Variants in CELF5 observed in about 807,000 individuals in gnomAD.
The protein encoded by CELF5 is CUGBP Elav-like family member 5, also known as CUG-BP and ETR-3 like factor 5.
A neutral mutation model predicts 54.9 loss-of-function variants in CELF5; 6 were observed. The ratio of observed to expected loss-of-function variants is 0.11; its 90% CI spans 0.06 to 0.22. The LOEUF is 0.22. CELF5 is among the 10% of genes least tolerant of loss of function. CELF5 has a pLI of 1.00. For synonymous variants in CELF5, 271 were observed against 290.9 expected (o/e 0.93, Z 0.70); for missense variants, 401 against 678.6 (o/e 0.59, Z 4.54).
Position 3,281,941 on chromosome 19 carries a change from C to T in CELF5, c.751-185C>T, listed in dbSNP as rs2080158686. Among the ~76,000 whole-genome samples the T allele has an allele frequency of 2.0e-5, 3 of 151,870 alleles. No homozygotes were observed. The highest frequency in any genetic ancestry group is 7.3e-5 in the African/African-American group (3 of 41,308). ...AGCCCTGATCTCAGCCTGAGCCTCA[C>T]TTCCGAACCGATCTCTGCTCCCAGG... On this transcript the variant is annotated intron_variant, in intron 6 of 12. Coordinates refer to ENST00000292672, the MANE Select transcript of CELF5 (RefSeq NM_021938.4). The surrounding 1 kb of genome is among the most constrained non-coding windows in gnomAD (Gnocchi z 6.5).
intron 8 of CELF5, among the ~76,000 whole-genome samples, chr19:3,284,235 CT>C (rs2145277315): frequency 6.6e-6 from 1 of 152,154 alleles, no homozygotes; most frequent in Non-Finnish European, 1.5e-5. Context: ...CAGATGCAGA[CT>C]TGTGGATCTC....
intron 11 of CELF5, 85 bp downstream of exon 11, chr19:3,290,459 G>GAAT: frequency 6.8e-7 from 1 of 1,464,512 alleles, no homozygotes; most frequent in Non-Finnish European, 9.5e-7. Flanking sequence ...GGTCGGCCTC[G>GAAT]GGACAGGGCT....
chr19:3,245,247 T>C (rs1267357595), intron 1 of CELF5, among the ~76,000 whole-genome samples: 1 of 149,442 alleles, frequency 6.7e-6, no homozygotes, highest in East Asian at 2.0e-4. Context: ...CATCTGTGCG[T>C]GTGTATGTGG....
chr19:3,271,579 A>G (rs1023720821), intron 2 of CELF5, among the ~76,000 whole-genome samples: 10 of 152,202 alleles, frequency 6.6e-5, no homozygotes, highest in African/African-American at 2.4e-4. Flanking sequence ...CAAATTGAGG[A>G]AAGCATATGT....
chr19:3,231,682 G>A (rs1365249618), intron 1 of CELF5, among the ~76,000 whole-genome samples: 1 of 148,572 alleles, frequency 6.7e-6, no homozygotes, highest in Non-Finnish European at 1.5e-5. Context: ...ATGAGCAGGT[G>A]GGTGGATGGA....
chr19:3,225,712 C>G (rs1448184345), intron 1 of CELF5: 1 of 426,174 alleles, frequency 2.3e-6, no homozygotes, highest in Non-Finnish European at 3.1e-6. Flanking sequence ...CCGTCGCTGC[C>G]CACCCCCTGG....
intron 2 of CELF5, among the ~76,000 whole-genome samples, chr19:3,253,531 C>G (rs1396885515): frequency 1.3e-5 from 2 of 152,200 alleles, no homozygotes; most frequent in East Asian, 3.9e-4. Flanking sequence ...AAAGAGTGAT[C>G]AAGGAGGAAG....
chr19:3,292,312 T>G (rs1280485700), intron 11 of CELF5, among the ~76,000 whole-genome samples: 1 of 151,596 alleles, frequency 6.6e-6, no homozygotes, highest in Admixed American at 6.6e-5. Flanking sequence ...TGTTTTTTTT[T>G]TTTTTTTTGA....
intron 2 of CELF5, among the ~76,000 whole-genome samples, chr19:3,253,855 T>C (rs1043752765): frequency 6.6e-6 from 1 of 152,126 alleles, no homozygotes; most frequent in Non-Finnish European, 1.5e-5. Context: ...AATCTGTACA[T>C]AGATGGAGAT....
At chr19:3,286,238 C>T in intron 10 of CELF5, 1 of 504,118 alleles carries the variant, frequency 2.0e-6, no homozygotes, top group South Asian at 2.9e-5. Context: ...CCATGCTCGC[C>T]CCGACCCCGT....
chr19:3,247,125 G>A (rs946191036), intron 1 of CELF5, among the ~76,000 whole-genome samples: 6 of 151,976 alleles, frequency 3.9e-5, no homozygotes, highest in African/African-American at 1.4e-4. Context: ...CATGGTGGCT[G>A]CCACTTTTTA....
intron 5 of CELF5, among the ~76,000 whole-genome samples, chr19:3,280,141 A>G (rs556699211): frequency 2.0e-5 from 3 of 152,286 alleles, no homozygotes; most frequent in African/African-American, 7.2e-5. Flanking sequence ...TGGCACCTGG[A>G]CAGCCATGGA....
rs539103409 is a variant in CELF5 at position 3,241,293 on chromosome 19, G to C, written c.260-9692G>C. ...AGATGGGGTTTCACCATGTTGGCCA[G>C]CATAGTCTCTATCTCCTGACCTTGT... On this transcript the variant is annotated intron_variant, in intron 1 of 12. Coordinates refer to ENST00000292672, the MANE Select transcript of CELF5 (RefSeq NM_021938.4). 9.2e-4 allele frequency among the ~76,000 whole-genome samples: 139 copies of C among 150,858 alleles called. 7 individuals are homozygous for C. In the South Asian group the frequency reaches 0.029, roughly 31 times the overall value.
chr19:3,256,810 C>G (rs1025414400), intron 2 of CELF5, among the ~76,000 whole-genome samples: 1 of 151,896 alleles, frequency 6.6e-6, no homozygotes, highest in African/African-American at 2.4e-5. Flanking sequence ...TCAAGTGATC[C>G]ACCAGCCTCG....
At chr19:3,284,079 C>T (rs1022482180) in intron 8 of CELF5, among the ~76,000 whole-genome samples, 3 of 151,990 alleles carry the variant, frequency 2.0e-5, no homozygotes, top group Non-Finnish European at 1.5e-5. Context: ...AACTCCTGGG[C>T]TCAAGCGATC....
intron 2 of CELF5, among the ~76,000 whole-genome samples, chr19:3,266,419 T>A (rs1402964450): frequency 1.9e-4 from 28 of 146,986 alleles, no homozygotes; most frequent in African/African-American, 7.0e-4. Flanking sequence ...TGAGACCCAG[T>A]ACAAACAAAA....
Position 3,233,098 on chromosome 19 carries a change from AAAAT to A in CELF5, c.259+8127_259+8130del, listed in dbSNP as rs149983440. The stretch of plus-strand genomic sequence containing the variant: ...TCAAAAAAAATAAAAATTAAAATTA[AAAAT>A]AAATAAATAAATAAATAAATAAATA... On this transcript the variant is annotated intron_variant, in intron 1 of 12. Transcript: ENST00000292672. 1.0e-3 allele frequency among the ~76,000 whole-genome samples: 151 copies of A among 149,788 alleles called. 1 individual carries two copies. In the Middle Eastern group the frequency reaches 0.01, roughly 10 times the overall value.
intron 2 of CELF5, among the ~76,000 whole-genome samples, chr19:3,253,339 G>A (rs1035031235): frequency 6.6e-6 from 1 of 152,208 alleles, no homozygotes; most frequent in Non-Finnish European, 1.5e-5. Context: ...TTTGCTGCAT[G>A]ATCCTGGCTC....
At chr19:3,234,206 A>G (rs1000224413) in intron 1 of CELF5, among the ~76,000 whole-genome samples, 1 of 152,086 alleles carries the variant, frequency 6.6e-6, no homozygotes, top group African/African-American at 2.4e-5. Context: ...GCTCTTGGCA[A>G]GGGAGGCGAG....
Sources: gnomAD v4.1 joint callset for allele counts (sites outside exome capture counted in the v4.1 genomes callset) on GRCh38, gnomAD v4.1.1 for gene constraint, Gnocchi (gnomAD v3.1) non-coding constraint, MANE v1.5 for transcripts, NCBI Gene and HGNC (gene_info 2026-07-23, HGNC 2026-07-21) for gene names.